ENPP3: variants seen among roughly 807,000 people sequenced by gnomAD.
ENPP3 encodes ectonucleotide pyrophosphatase/phosphodiesterase 3, also known as ectonucleotide pyrophosphatase/phosphodiesterase family member 3.
ENPP3 carries 104 observed loss-of-function variants against 117.8 expected under a neutral mutation model. The ratio of observed to expected loss-of-function variants is 0.88; its 90% confidence interval spans 0.75 to 1.04. ENPP3 has a LOEUF of 1.04. ENPP3 is among the 50% of genes least tolerant of loss of function. ENPP3 has a pLI of 0.00. For missense variants in ENPP3, 1,026 were observed against 1,051.9 expected (o/e 0.98, Z 0.34); for synonymous variants, 380 against 349.9 (o/e 1.09, Z -0.96).
At chr6:131,642,026 C>A (rs189528580) in intron 2 of ENPP3, among the ~76,000 whole-genome samples, 2 of 151,968 alleles carry the variant, frequency 1.3e-5, no homozygotes, top group African/African-American at 4.8e-5. Flanking sequence ...AGCTCCCGGG[C>A]TCAAGTGATC....
At position 131,718,744 on chromosome 6, in the gene ENPP3, T is replaced by G; in HGVS notation, c.1479+6T>G. The G allele has an allele frequency of 6.3e-7, 1 of 1,581,388 alleles. No homozygotes were observed. Among genetic ancestry groups the G allele is most frequent in the Non-Finnish European group, 8.6e-7 (1 of 1,158,508 alleles). On this transcript the variant is annotated splice_donor_region_variant and intron_variant, in intron 16 of 24. Coordinates refer to ENST00000357639, the MANE Select transcript of ENPP3 (RefSeq NM_005021.5). ...ATGAGTTTAGGAGCATGGAGGTAAC[T>G]TACTGCTTTTTTTTTTAACTTTTAT...
intron 20 of ENPP3, 104 bp from the exon 21 acceptor site, chr6:131,733,483 AG>A: frequency 7.9e-7 from 1 of 1,263,592 alleles, no homozygotes; most frequent in Non-Finnish European, 1.1e-6. Flanking sequence ...CTAAGAAAAT[AG>A]GAAAAGCTTA....
At chr6:131,666,221 G>A (rs1426758212) in intron 6 of ENPP3, among the ~76,000 whole-genome samples, 10 of 151,924 alleles carry the variant, frequency 6.6e-5, no homozygotes, top group African/African-American at 2.2e-4. Context: ...AAAAAAACCT[G>A]CTGATAGTTT....
chr6:131,717,352 GT>G (rs1387660476), intron 15 of ENPP3, among the ~76,000 whole-genome samples: 2,706 of 13,454 alleles, frequency 0.2, 59 homozygotes, highest in East Asian at 0.4. Flanking sequence ...CCTGCGGGGG[GT>G]GTGTGTGTGT....
chr6:131,651,046 A>G (rs1295200416), intron 3 of ENPP3, among the ~76,000 whole-genome samples: 1 of 152,044 alleles, frequency 6.6e-6, no homozygotes, highest in Non-Finnish European at 1.5e-5. Context: ...CAGCCTCCCA[A>G]GTAGCTGGGA....
chr6:131,697,631 G>A (rs908012589), intron 15 of ENPP3, among the ~76,000 whole-genome samples: 7 of 151,728 alleles, frequency 4.6e-5, no homozygotes, highest in Non-Finnish European at 7.4e-5. Flanking sequence ...TTGGTCATCA[G>A]GCGTTAGATT....
At chr6:131,730,327 A>G (rs1033789509) in intron 20 of ENPP3, among the ~76,000 whole-genome samples, 2 of 152,204 alleles carry the variant, frequency 1.3e-5, no homozygotes, top group Non-Finnish European at 2.9e-5. Flanking sequence ...ACTGTATACT[A>G]TGATATGTTT....
chr6:131,649,398 T>C (rs1778215884), intron 2 of ENPP3, among the ~76,000 whole-genome samples: 1 of 152,186 alleles, frequency 6.6e-6, no homozygotes, highest in Non-Finnish European at 1.5e-5. Flanking sequence ...TTAGCCATCA[T>C]AACCCATCTG....
At position 131,660,211 on chromosome 6, in the gene ENPP3, A is replaced by G. The variant is rs145403655; in HGVS notation, c.562+1791A>G. On this transcript the variant is annotated intron_variant, in intron 6 of 24. Transcript: ENST00000357639. ...ATTGAAAAAGGAGAGATGTGGTTAA[A>G]TAGGATTAGGATTATGTTAGTCTTG... 8.6e-3 allele frequency among the ~76,000 whole-genome samples: 1,310 copies of G among 152,198 alleles called. 18 individuals carry two copies. The highest frequency in any genetic ancestry group is 0.03 in the African/African-American group (1,255 of 41,522).
Position 131,740,246 on chromosome 6 carries a change from C to G in ENPP3, c.2323C>G (p.Pro775Ala), listed in dbSNP as rs147101691. The G allele has an allele frequency of 5.1e-5, 82 of 1,602,852 alleles. No individual in the cohort carries two copies. The African/African-American group carries it at 9.9e-4, about 19-fold the overall frequency. The change falls in exon 24 of 25, where the codon CCC becomes GCC. Residue 775 changes from proline (P) to alanine (A), a missense_variant. Pro to Ala is a conservative substitution (Grantham distance 27). Coordinates refer to ENST00000357639, the MANE Select transcript of ENPP3 (RefSeq NM_005021.5). Reference protein sequence around the residue: ...ITKHLANTDVPIPTHYFVVLT... With the variant: ...ITKHLANTDVAIPTHYFVVLT... ...AAGACATTTAGCCAACACTGATGTT[C>G]CCATCCCAACACACTACTTTGTGGT... is the stretch of plus-strand genomic sequence containing the variant.
rs1266286388 is a variant in ENPP3 at position 131,652,943 on chromosome 6, T to G, written c.464+52T>G. On this transcript the variant is annotated intron_variant, in intron 5 of 24. Transcript: ENST00000357639. ...TATCCTCCTTTAACAAAGGTGCACATAAGAATGTAGTTAGTTGAGACGCAG... is the reference window on the plus strand; with the variant it reads ...TATCCTCCTTTAACAAAGGTGCACAGAAGAATGTAGTTAGTTGAGACGCAG... 3.2e-6 allele frequency: 4 copies of G among 1,247,702 alleles called. No homozygotes were observed. The Admixed American group carries it at 6.9e-5, about 22-fold the overall frequency. 77.3% of individuals were successfully genotyped at this position (1,247,702 alleles called of 1,614,324 possible).
chr6:131,745,905 G>T (rs1025449538), intron 24 of ENPP3, among the ~76,000 whole-genome samples: 7 of 152,110 alleles, frequency 4.6e-5, no homozygotes, highest in African/African-American at 1.7e-4. Flanking sequence ...GATCACCCGA[G>T]ATCAGGAGTT....
intron 19 of ENPP3, among the ~76,000 whole-genome samples, chr6:131,725,567 T>C (rs935002764): frequency 6.6e-6 from 1 of 152,198 alleles, no homozygotes; most frequent in African/African-American, 2.4e-5. Context: ...AGGATTTCAA[T>C]GTATACGTTT....
At chr6:131,726,819 G>A (rs1780164083) in intron 20 of ENPP3, among the ~76,000 whole-genome samples, 1 of 152,120 alleles carries the variant, frequency 6.6e-6, no homozygotes, top group African/African-American at 2.4e-5. Context: ...AGTAGTACCA[G>A]GACAGTCAAC....
intron 6 of ENPP3, among the ~76,000 whole-genome samples, chr6:131,660,325 C>A (rs1778472906): frequency 6.6e-6 from 1 of 152,200 alleles, no homozygotes; most frequent in South Asian, 2.1e-4. Flanking sequence ...GTTGGGCCAC[C>A]ATGGTCATGT....
At position 131,652,728 on chromosome 6, in the gene ENPP3, C is replaced by T. The variant is rs1778290320; in HGVS notation, c.403+61C>T. The T allele has an allele frequency of 4.0e-5, 65 of 1,608,360 alleles. 1 individual carries two copies. In the South Asian group the frequency reaches 7.0e-4, roughly 17 times the overall value. On this transcript the variant is annotated intron_variant, in intron 4 of 24. Transcript: ENST00000357639. Reference sequence around the variant, plus strand: ...AGTTTAGAGGAACTCCATGAGTTTCCTAGAGCCATGCTAGGCTGCAAAAAT... The same window carrying T: ...AGTTTAGAGGAACTCCATGAGTTTCTTAGAGCCATGCTAGGCTGCAAAAAT...
intron 8 of ENPP3, 73 bp from the exon 9 acceptor site, chr6:131,675,007 T>C: frequency 1.2e-6 from 1 of 832,224 alleles, no homozygotes; most frequent in South Asian, 1.4e-5. Context: ...TAATCTTGTT[T>C]AGTTTCTAGT....
rs1779988129 is a variant in ENPP3 at position 131,720,349 on chromosome 6, GAAAATATT to G, written c.1538_1545del (p.Glu513GlyfsTer4). 6.3e-7 allele frequency: 1 copy of G among 1,595,158 alleles called. No homozygotes were observed. Among genetic ancestry groups the G allele is most frequent in the African/African-American group, 1.3e-5 (1 of 74,078 alleles). ...AGAGAAGACTGAAGTTGAACCATTT[GAAAATATT>G]GAAGTCTATAACCTAATGTGTGGTA... On this transcript the variant is annotated frameshift_variant, in exon 17 of 25. Coordinates refer to ENST00000357639, the MANE Select transcript of ENPP3 (RefSeq NM_005021.5). LOFTEE classifies it high-confidence loss of function.
intron 21 of ENPP3, among the ~76,000 whole-genome samples, chr6:131,736,098 T>G (rs1041891800): frequency 6.6e-6 from 1 of 152,224 alleles, no homozygotes. Flanking sequence ...CACAGAGGGA[T>G]GCAGCACTTT....
Sources: gnomAD v4.1 joint callset for allele counts (sites outside exome capture counted in the v4.1 genomes callset) on GRCh38, gnomAD v4.1.1 for gene constraint, MANE v1.5 for transcripts, NCBI Gene and HGNC (gene_info 2026-07-23, HGNC 2026-07-21) for gene names.